Variants in SOS1 observed in about 807,000 individuals in gnomAD.
SOS1 encodes son of sevenless homolog 1.
In SOS1, 25 loss-of-function variants were observed where a neutral mutation model predicts 157.6. The observed-to-expected ratio is 0.16, with a 90% CI of 0.12 to 0.22. The LOEUF is 0.22. Among genes scored for constraint, SOS1 ranks in the 10% least tolerant of loss-of-function variants. The pLI is 1.00. For synonymous variants in SOS1, 528 were observed against 534.0 expected, an observed-to-expected ratio of 0.99 and a Z score of 0.16; for missense variants, 1,237 against 1,599.1, an observed-to-expected ratio of 0.77 and a Z score of 3.86.
Position 39,077,467 on chromosome 2 carries a change from T to C in SOS1, c.88-9714A>G, listed in dbSNP as rs150341464. On this transcript the variant is annotated intron_variant, in intron 1 of 22. Coordinates refer to ENST00000402219, the MANE Select transcript of SOS1 (RefSeq NM_005633.4). ...CCTATACTCTAAACATTATAATTCC[T>C]ATTAAAATTGAAACAATTTTCTGAA... Among the ~76,000 whole-genome samples, 277 of 152,294 alleles carry C rather than the reference T, an allele frequency of 1.8e-3. 2 individuals carry two copies. The East Asian group carries it at 0.022, about 12-fold the overall frequency.
intron 1 of SOS1, among the ~76,000 whole-genome samples, chr2:39,115,719 T>C (rs1673625678): frequency 6.6e-6 from 1 of 152,166 alleles, no homozygotes; most frequent in South Asian, 2.1e-4. Flanking sequence ...ATTACAGGTG[T>C]GAGCCACCAC....
intron 1 of SOS1, among the ~76,000 whole-genome samples, chr2:39,107,894 G>A (rs1265987212): frequency 6.6e-6 from 1 of 152,070 alleles, no homozygotes; most frequent in East Asian, 1.9e-4. Context: ...AAGCCTTGAG[G>A]CTATACCTGC....
At chr2:39,071,020 G>A (rs893213426) in intron 1 of SOS1, among the ~76,000 whole-genome samples, 8 of 152,044 alleles carry the variant, frequency 5.3e-5, no homozygotes, top group African/African-American at 1.9e-4. Context: ...CTGCCACCAC[G>A]TTGGGCTAAT....
intron 5 of SOS1, 47 bp from the exon 6 acceptor site, chr2:39,051,334 A>G (rs1671009957): frequency 6.5e-7 from 1 of 1,543,164 alleles, no homozygotes. Context: ...TATTATTATA[A>G]TATTAAACAA....
At chr2:39,080,175 G>C (rs932455645) in intron 1 of SOS1, among the ~76,000 whole-genome samples, 1 of 151,790 alleles carries the variant, frequency 6.6e-6, no homozygotes, top group Non-Finnish European at 1.5e-5. Context: ...CAACTAGATG[G>C]TCCCATATGG....
chr2:39,008,399 C>G (rs1669348440), intron 15 of SOS1, among the ~76,000 whole-genome samples: 2 of 152,146 alleles, frequency 1.3e-5, no homozygotes, highest in African/African-American at 4.8e-5. Flanking sequence ...AGCCCCAGAG[C>G]CCTGTTTCAA....
chr2:38,985,105 C>CT lies in SOS1; in HGVS notation c.*718dup, dbSNP rs1196105948. On this transcript the variant is annotated 3_prime_UTR_variant, in exon 23 of 23. Transcript: ENST00000402219. ...GTCATGTTAATGACACAAAACTTCTCTTTTTTGAAGGCAACACCACCACAT... is the reference window on the plus strand; with the variant it reads ...GTCATGTTAATGACACAAAACTTCTCTTTTTTTGAAGGCAACACCACCACAT... The CT allele has an allele frequency of 6.6e-6, 1 of 152,108 alleles. No homozygotes were observed. The highest frequency in any genetic ancestry group is 6.6e-5 in the Admixed American group (1 of 15,262). The allele number at this position is 152,108 out of a possible 1,614,324, so 9.4% of individuals were successfully genotyped here.
intron 1 of SOS1, among the ~76,000 whole-genome samples, chr2:39,119,084 A>ACC (rs1450776729): frequency 1.3e-5 from 2 of 152,158 alleles, no homozygotes; most frequent in African/African-American, 4.8e-5. Context: ...GACCTCCTAC[A>ACC]CCCCTTCCAT....
At chr2:39,068,738 G>T (rs1215043516) in intron 1 of SOS1, among the ~76,000 whole-genome samples, 1 of 151,710 alleles carries the variant, frequency 6.6e-6, no homozygotes, top group Admixed American at 6.6e-5. Flanking sequence ...GTCCACACTG[G>T]AAAGAAGCCT....
intron 5 of SOS1, among the ~76,000 whole-genome samples, chr2:39,051,940 A>T (rs955400859): frequency 6.6e-6 from 1 of 152,170 alleles, no homozygotes; most frequent in Non-Finnish European, 1.5e-5. Context: ...TTACTAGTCA[A>T]TGGTTTTCAA....
chr2:39,092,240 C>A (rs1672622154), intron 1 of SOS1, among the ~76,000 whole-genome samples: 2 of 152,080 alleles, frequency 1.3e-5, no homozygotes, highest in African/African-American at 2.4e-5. Flanking sequence ...CACTCTTTCA[C>A]TCAGGCTGGA....
intron 1 of SOS1, among the ~76,000 whole-genome samples, chr2:39,105,359 A>G (rs977670626): frequency 6.6e-6 from 1 of 151,698 alleles, no homozygotes. Flanking sequence ...TCCTGGCCTC[A>G]AGCTGGTACA....
chr2:39,019,134 T>A (rs904324320), intron 10 of SOS1, among the ~76,000 whole-genome samples: 1 of 151,794 alleles, frequency 6.6e-6, no homozygotes, highest in African/African-American at 2.4e-5. Flanking sequence ...GTTTTTTCAA[T>A]ACCATCTTCT....
chr2:39,093,671 C>T (rs951212791), intron 1 of SOS1, among the ~76,000 whole-genome samples: 2 of 152,182 alleles, frequency 1.3e-5, no homozygotes, highest in Non-Finnish European at 2.9e-5. Context: ...AGTGTGACTA[C>T]AGCAGAGTCA....
intron 10 of SOS1, 187 bp downstream of exon 10, chr2:39,022,383 A>C: frequency 1.7e-6 from 1 of 595,830 alleles, no homozygotes; most frequent in Non-Finnish European, 3.0e-6. Context: ...GGTTAAAAAA[A>C]AGTATTTAAG....
chr2:39,012,773 A>G lies in SOS1; in HGVS notation c.2168-425T>C, dbSNP rs974295024. Among the ~76,000 whole-genome samples the G allele has an allele frequency of 3.3e-5, 5 of 152,176 alleles. No homozygotes were observed. In the East Asian group the frequency reaches 5.8e-4, roughly 18 times the overall value. ...AACACTGCATTTTATAAACCAATAA[A>G]TATCAGTGCCAGAGGACTGATTCCT... On this transcript the variant is annotated intron_variant, in intron 13 of 22. Transcript: ENST00000402219.
intron 17 of SOS1, among the ~76,000 whole-genome samples, chr2:39,001,564 A>T (rs1347548296): frequency 1.3e-5 from 2 of 152,228 alleles, no homozygotes; most frequent in Non-Finnish European, 2.9e-5. Flanking sequence ...AGTATCAGCT[A>T]CTATCCCTGA....
chr2:38,999,606 T>C lies in SOS1; in HGVS notation c.2792-2181A>G, dbSNP rs142699638. On this transcript the variant is annotated intron_variant, in intron 17 of 22. Coordinates refer to ENST00000402219, the MANE Select transcript of SOS1 (RefSeq NM_005633.4). Reference sequence around the variant, plus strand: ...TTCTAGTAAGCACAGGCTTTTTTATTTTCACATCTGCCTGTCATTTGGCTT... The same window carrying C: ...TTCTAGTAAGCACAGGCTTTTTTATCTTCACATCTGCCTGTCATTTGGCTT... 4.8e-3 allele frequency among the ~76,000 whole-genome samples: 726 copies of C among 152,336 alleles called. 10 individuals are homozygous for C. The highest frequency in any genetic ancestry group is 0.016 in the African/African-American group (682 of 41,576).
chr2:39,088,366 A>G lies in SOS1; in HGVS notation c.88-20613T>C, dbSNP rs1354515328. Among the ~76,000 whole-genome samples, 3 of 151,106 alleles carry G rather than the reference A, an allele frequency of 2.0e-5. No homozygotes were observed. The East Asian group carries it at 5.8e-4, about 29-fold the overall frequency. ...CACACAACACAAAATTTACCATTTAACCATTTCTACATGCATAATTCAGTG... is the reference window on the plus strand; with the variant it reads ...CACACAACACAAAATTTACCATTTAGCCATTTCTACATGCATAATTCAGTG... On this transcript the variant is annotated intron_variant, in intron 1 of 22. Transcript: ENST00000402219.
Sources: gnomAD v4.1 joint callset for allele counts (sites outside exome capture counted in the v4.1 genomes callset) on GRCh38, gnomAD v4.1.1 for gene constraint, MANE v1.5 for transcripts, NCBI Gene and HGNC (gene_info 2026-07-23, HGNC 2026-07-21) for gene names.